The following DLG2 variants were observed in gnomAD, a reference collection of about 807,000 sequenced individuals.
The protein encoded by DLG2 is disks large homolog 2.
Under a neutral mutation model 132.5 loss-of-function variants are expected in DLG2, and 45 were observed. That is an observed-to-expected ratio of 0.34 (90% CI 0.27 to 0.44). The LOEUF (loss-of-function observed/expected upper bound fraction) is 0.44. DLG2 is among the 20% of genes least tolerant of loss of function. DLG2 has a pLI of 1.00. For synonymous variants in DLG2, 424 were observed against 419.6 expected (o/e 1.01, Z -0.13); for missense variants, 1,045 against 1,196.9 (o/e 0.87, Z 1.87).
At chr11:83,845,318 C>T (rs1198941492) in intron 16 of DLG2, among the ~76,000 whole-genome samples, 1 of 152,080 alleles carries the variant, frequency 6.6e-6, no homozygotes, top group Admixed American at 6.6e-5. Context: ...GAGGGGCATA[C>T]CAAAGGTGGT....
intron 4 of DLG2, among the ~76,000 whole-genome samples, chr11:85,228,408 A>C (rs1192309174): frequency 6.6e-6 from 1 of 152,140 alleles, no homozygotes; most frequent in East Asian, 1.9e-4. Context: ...AGCATAAGAG[A>C]GAACACTTCA....
intron 3 of DLG2, among the ~76,000 whole-genome samples, chr11:85,545,654 C>G (rs2076267583): frequency 6.6e-6 from 1 of 152,098 alleles, no homozygotes; most frequent in Admixed American, 6.5e-5. Flanking sequence ...TAATTGCTGC[C>G]TCAACTTCAG....
intron 3 of DLG2, among the ~76,000 whole-genome samples, chr11:85,500,386 T>A (rs2093770089): frequency 1.1e-5 from 1 of 89,732 alleles, no homozygotes; most frequent in Admixed American, 1.5e-4. Context: ...CTCTGGGGAC[T>A]GTGGTGGGGT....
intron 7 of DLG2, among the ~76,000 whole-genome samples, chr11:84,378,806 G>A (rs1038149674): frequency 7.9e-5 from 12 of 151,098 alleles, no homozygotes; most frequent in African/African-American, 2.2e-4. Context: ...TTAGTTGGGC[G>A]TGGTGGCGCA....
intron 6 of DLG2, among the ~76,000 whole-genome samples, chr11:84,882,067 T>G (rs1440048536): frequency 6.6e-6 from 1 of 152,126 alleles, no homozygotes; most frequent in Non-Finnish European, 1.5e-5. Flanking sequence ...ATGGAATTCT[T>G]GCTGATTCTA....
intron 18 of DLG2, among the ~76,000 whole-genome samples, chr11:83,634,261 A>G (rs935850150): frequency 2.6e-5 from 4 of 152,138 alleles, no homozygotes; most frequent in Admixed American, 6.6e-5. Flanking sequence ...ATATTATAAC[A>G]TTGCTATTGT....
At chr11:85,532,307 G>A (rs1221759196) in intron 3 of DLG2, among the ~76,000 whole-genome samples, 1 of 152,150 alleles carries the variant, frequency 6.6e-6, no homozygotes, top group Non-Finnish European at 1.5e-5. Flanking sequence ...CAGAAAACTA[G>A]AGGGAACTGG....
intron 8 of DLG2, among the ~76,000 whole-genome samples, chr11:84,199,844 C>G (rs2096568950): frequency 6.6e-6 from 1 of 151,674 alleles, no homozygotes; most frequent in African/African-American, 2.4e-5. Flanking sequence ...CAGCTGGAGT[C>G]TCAGAAAAGA....
At chr11:85,607,175 T>C (rs745748151) in intron 2 of DLG2, among the ~76,000 whole-genome samples, 3 of 152,160 alleles carry the variant, frequency 2.0e-5, no homozygotes, top group Non-Finnish European at 4.4e-5. Context: ...CAGACACCTA[T>C]TGGCCAGTTA....
At chr11:85,413,757 G>T (rs1248613294) in intron 3 of DLG2, among the ~76,000 whole-genome samples, 1 of 151,904 alleles carries the variant, frequency 6.6e-6, no homozygotes, top group Non-Finnish European at 1.5e-5. Context: ...CCATTGGTCT[G>T]TGTGCCTATT....
In DLG2 at chr11:85,332,675, A is replaced by G. The variant is rs562586525; in HGVS notation, c.41-47310T>C. ...GTCCAGTTTCAATCTTCTGTGTATGACTGGCCAGTTATACCAGAACCATTT... is the reference window on the plus strand; with the variant it reads ...GTCCAGTTTCAATCTTCTGTGTATGGCTGGCCAGTTATACCAGAACCATTT... On this transcript the variant is annotated intron_variant, in intron 3 of 27. Transcript: ENST00000376104. 2.0e-5 allele frequency among the ~76,000 whole-genome samples: 3 copies of G among 152,224 alleles called. No individual in the cohort carries two copies. The East Asian group carries it at 5.8e-4, about 29-fold the overall frequency.
intron 18 of DLG2, among the ~76,000 whole-genome samples, chr11:83,696,632 G>C (rs1412038627): frequency 6.6e-6 from 1 of 152,182 alleles, no homozygotes; most frequent in Non-Finnish European, 1.5e-5. Flanking sequence ...ATCTACTATA[G>C]ATATAATGGA....
chr11:85,214,150 G>C (rs910856945), intron 4 of DLG2, among the ~76,000 whole-genome samples: 6 of 152,130 alleles, frequency 3.9e-5, no homozygotes, highest in African/African-American at 7.2e-5. Flanking sequence ...CATAAAAGCT[G>C]AATATGGAGA....
intron 3 of DLG2, among the ~76,000 whole-genome samples, chr11:85,312,030 T>C (rs190497314): frequency 2.4e-4 from 36 of 152,108 alleles, no homozygotes; most frequent in African/African-American, 8.4e-4. Flanking sequence ...ACAAGGAATG[T>C]TCTTCTCCCT....
intron 6 of DLG2, among the ~76,000 whole-genome samples, chr11:85,061,124 T>C (rs2064086686): frequency 6.6e-6 from 1 of 151,854 alleles, no homozygotes; most frequent in African/African-American, 2.4e-5. Context: ...ATTCCGAATA[T>C]TAACTCTTTA....
intron 3 of DLG2, among the ~76,000 whole-genome samples, chr11:85,372,815 G>A (rs954242811): frequency 6.6e-6 from 1 of 151,670 alleles, no homozygotes; most frequent in African/African-American, 2.4e-5. Context: ...GAGGGAAAGT[G>A]GACGCTCTTC....
intron 18 of DLG2, among the ~76,000 whole-genome samples, chr11:83,669,183 G>A (rs935879404): frequency 6.6e-6 from 1 of 151,866 alleles, no homozygotes; most frequent in African/African-American, 2.4e-5. Flanking sequence ...AAACAGTCCT[G>A]GTCCCTCTCC....
intron 16 of DLG2, among the ~76,000 whole-genome samples, chr11:83,865,384 A>G (rs2062129685): frequency 1.3e-5 from 2 of 152,058 alleles, no homozygotes; most frequent in South Asian, 4.1e-4. Flanking sequence ...AAATGGAATA[A>G]TGTCCCTGAG....
chr11:85,141,051 T>A lies in DLG2; in HGVS notation c.282+13505A>T, dbSNP rs553875510. ...TACAGGAGTGTAGGTATCTCTTCAA[T>A]ATGCTGATTTCTTTTCTTCTGGATA... On this transcript the variant is annotated intron_variant, in intron 5 of 27. Coordinates refer to ENST00000376104, the MANE Select transcript of DLG2 (RefSeq NM_001142699.3). Among the ~76,000 whole-genome samples, 22 of 152,016 alleles carry A rather than the reference T, an allele frequency of 1.4e-4. No homozygotes were observed. The East Asian group carries it at 3.3e-3, about 23-fold the overall frequency.
Sources: gnomAD v4.1 joint callset for allele counts (sites outside exome capture counted in the v4.1 genomes callset) on GRCh38, gnomAD v4.1.1 for gene constraint, MANE v1.5 for transcripts, NCBI Gene and HGNC (gene_info 2026-07-23, HGNC 2026-07-21) for gene names.